The following EPCAM variants were observed in gnomAD, a reference collection of about 807,000 sequenced individuals.
EPCAM encodes adenocarcinoma-associated antigen.
A neutral mutation model predicts 40.0 loss-of-function variants in EPCAM; 39 were observed. The observed-to-expected ratio is 0.98, with a 90% confidence interval of 0.76 to 1.27. The LOEUF is 1.27. Among genes scored for constraint, EPCAM ranks in the 50% most tolerant of loss-of-function variants. The probability of loss-of-function intolerance (pLI) is 0.00; values close to 1 mark genes in which losing one functional copy is unlikely to be tolerated. For synonymous variants in EPCAM, 168 were observed against 132.3 expected, an observed-to-expected ratio of 1.27 and a Z score of -1.85; for missense variants, 503 against 381.2, an observed-to-expected ratio of 1.32 and a Z score of -2.66.
intron 1 of EPCAM, 191 bp downstream of exon 1, chr2:47,369,772 C>T: frequency 1.4e-6 from 1 of 712,520 alleles, no homozygotes; most frequent in South Asian, 1.5e-5. Flanking sequence ...GAGGGCCGTC[C>T]CGGGGAGCAG....
intron 7 of EPCAM, among the ~76,000 whole-genome samples, chr2:47,380,837 G>C (rs1215662116): frequency 1.3e-5 from 2 of 151,894 alleles, no homozygotes; most frequent in Non-Finnish European, 2.9e-5. Context: ...GCCTGTAATC[G>C]CAGCACTTTG....
chr2:47,384,461 T>C lies in EPCAM; in HGVS notation c.859-705T>C, dbSNP rs569872538. Among the ~76,000 whole-genome samples, 37 of 152,050 alleles carry C rather than the reference T, an allele frequency of 2.4e-4. 1 individual carries two copies. In the South Asian group the frequency reaches 4.6e-3, roughly 19 times the overall value. On this transcript the variant is annotated intron_variant, in intron 7 of 8. Transcript: ENST00000263735. ...TGGAGTCCCACTCTGTCGCCCAGGC[T>C]GGAGTGCAATGGCGCCATCTCGGCT...
At chr2:47,376,947 A>T (rs1000898513) in intron 4 of EPCAM, 67 bp from the exon 5 acceptor site, 1 of 1,048,380 alleles carries the variant, frequency 9.5e-7, no homozygotes, top group East Asian at 2.4e-5. Context: ...CTGCTTAAAG[A>T]GTAGTGCTTC....
Position 47,386,698 on chromosome 2 carries a change from T to C in EPCAM, c.*85T>C, listed in dbSNP as rs936577951. On this transcript the variant is annotated 3_prime_UTR_variant, in exon 9 of 9. Coordinates refer to ENST00000263735, the MANE Select transcript of EPCAM (RefSeq NM_002354.3). The stretch of plus-strand genomic sequence containing the variant: ...TGTGTGCGTGGGACGAAGACATCTT[T>C]GAAGGTCATGAGTTTGTTAGTTTAA... The C allele has an allele frequency of 2.9e-6, 3 of 1,034,184 alleles. No homozygotes were observed. Among genetic ancestry groups the C allele is most frequent in the Non-Finnish European group, 4.6e-6 (3 of 657,694 alleles). The allele number at this position is 1,034,184 out of a possible 1,614,324, so 64.1% of individuals were successfully genotyped here.
intron 8 of EPCAM, 126 bp downstream of exon 8, chr2:47,385,336 C>G: frequency 2.5e-6 from 2 of 792,948 alleles, no homozygotes; most frequent in Non-Finnish European, 4.5e-6. Flanking sequence ...TCTTTAGGGT[C>G]TTAGGGACAG....
At position 47,384,300 on chromosome 2, in the gene EPCAM, C is replaced by T. The variant is rs182048194; in HGVS notation, c.859-866C>T. Among the ~76,000 whole-genome samples, 25 of 151,758 alleles carry T rather than the reference C, an allele frequency of 1.6e-4. No individual in the cohort carries two copies. The East Asian group carries it at 4.5e-3, about 27-fold the overall frequency. On this transcript the variant is annotated intron_variant, in intron 7 of 8. Transcript: ENST00000263735. Reference sequence around the variant, plus strand: ...TGTATCTTTAGTAGAGATGAGGTTTCACAATATTGGCCAGGCTGGTCTTGA... The same window carrying T: ...TGTATCTTTAGTAGAGATGAGGTTTTACAATATTGGCCAGGCTGGTCTTGA...
chr2:47,372,751 G>A (rs1366672120), intron 1 of EPCAM, among the ~76,000 whole-genome samples: 4 of 151,772 alleles, frequency 2.6e-5, no homozygotes, highest in East Asian at 3.9e-4. Flanking sequence ...CAGCCTGCAC[G>A]ACAGAGTGAG....
chr2:47,377,915 GA>G (rs777883272), intron 5 of EPCAM: 1 of 299,522 alleles, frequency 3.3e-6, no homozygotes, highest in Non-Finnish European at 6.7e-6. Context: ...TCTTTAGAAA[GA>G]ATGTACTTTT....
intron 4 of EPCAM, 87 bp from the exon 5 acceptor site, chr2:47,376,927 C>A: frequency 3.5e-6 from 3 of 868,124 alleles, no homozygotes; most frequent in South Asian, 2.7e-5. Flanking sequence ...AGTTTTAGAC[C>A]CTGAGCTGTC....
intron 2 of EPCAM, 98 bp downstream of exon 2, chr2:47,373,668 C>T (rs576946868): frequency 1.4e-6 from 2 of 1,444,036 alleles, no homozygotes; most frequent in East Asian, 2.3e-5. Context: ...TGGCTTAAAT[C>T]TGAATCATGT....
chr2:47,374,892 C>T (rs973007439), intron 3 of EPCAM, among the ~76,000 whole-genome samples: 1 of 152,174 alleles, frequency 6.6e-6, no homozygotes, highest in Non-Finnish European at 1.5e-5. Context: ...CCCACCTCCA[C>T]CTCCCAAAGT....
rs1050582797 is a variant in EPCAM at position 47,386,672 on chromosome 2, G to A, written c.*59G>A. ...TAGCAAATGGACACAAATTACAAAT[G>A]TGTGTGCGTGGGACGAAGACATCTT... On this transcript the variant is annotated 3_prime_UTR_variant, in exon 9 of 9. Coordinates refer to ENST00000263735, the MANE Select transcript of EPCAM (RefSeq NM_002354.3). 13 of 1,293,386 alleles carry A rather than the reference G, an allele frequency of 1.0e-5. No individual in the cohort carries two copies. The highest frequency in any genetic ancestry group is 1.5e-5 in the Non-Finnish European group (13 of 890,664). The allele number at this position is 1,293,386 out of a possible 1,614,324, so 80.1% of individuals were successfully genotyped here. A position where few individuals can be genotyped will look rare whatever the true frequency, so the allele number is the denominator to read the frequency against.
Position 47,377,942 on chromosome 2 carries a change from C to G in EPCAM, c.555+865C>G, listed in dbSNP as rs572972506. The stretch of plus-strand genomic sequence containing the variant: ...ATGTACTTTTTTTACTCTTTAAAAA[C>G]AAAATGATGGCCGGGCACGGTGGCT... On this transcript the variant is annotated intron_variant, in intron 5 of 8. Transcript: ENST00000263735. 1.1e-4 allele frequency among the ~76,000 whole-genome samples: 16 copies of G among 151,962 alleles called. No individual in the cohort carries two copies. The East Asian group carries it at 1.4e-3, about 13-fold the overall frequency.
intron 7 of EPCAM, among the ~76,000 whole-genome samples, chr2:47,384,714 T>C (rs1389276095): frequency 6.6e-6 from 1 of 151,196 alleles, no homozygotes; most frequent in Non-Finnish European, 1.5e-5. Context: ...GCCCACCTTA[T>C]TTATTTTTAA....
rs752696226 is a variant in EPCAM at position 47,379,820 on chromosome 2, G to C, written c.709G>C (p.Gly237Arg). Residue 237 changes from glycine to arginine, a missense_variant, in exon 7 of 9, where the codon GGG becomes CGG. Coordinates refer to ENST00000263735, the MANE Select transcript of EPCAM (RefSeq NM_002354.3). Reference sequence around the variant, plus strand: ...TAAGAAAATGGACCTGACAGTAAATGGGGAACAACTGGATCTGGATCCTGG... The same window carrying C: ...TAAGAAAATGGACCTGACAGTAAATCGGGAACAACTGGATCTGGATCCTGG... ...HSKKMDLTVN[G>R]EQLDLDPGQT... 6.2e-7 allele frequency: 1 copy of C among 1,613,990 alleles called. No individual in the cohort carries two copies. Among genetic ancestry groups the C allele is most frequent in the Non-Finnish European group, 8.5e-7 (1 of 1,179,992 alleles).
At chr2:47,369,969 G>A (rs78328381) in intron 1 of EPCAM, among the ~76,000 whole-genome samples, 2,775 of 152,284 alleles carry the variant, frequency 0.018, 82 homozygotes, top group African/African-American at 0.062. Context: ...AGCCGGTGGC[G>A]GAGTCTTTAC....
intron 4 of EPCAM, 36 bp downstream of exon 4, chr2:47,375,335 T>G (rs767961214): frequency 7.3e-7 from 1 of 1,365,560 alleles, no homozygotes; most frequent in Non-Finnish European, 1.0e-6. Flanking sequence ...TCTTGCACAG[T>G]TGGTGGCTCA....
intron 7 of EPCAM, among the ~76,000 whole-genome samples, chr2:47,384,888 G>A (rs1433410793): frequency 1.3e-5 from 2 of 152,044 alleles, no homozygotes; most frequent in Admixed American, 1.3e-4. Flanking sequence ...TGTATTTGTA[G>A]TAGAGATGGG....
intron 1 of EPCAM, among the ~76,000 whole-genome samples, chr2:47,370,283 A>T (rs536590666): frequency 6.6e-6 from 1 of 152,228 alleles, no homozygotes; most frequent in Non-Finnish European, 1.5e-5. Context: ...TATTTATTTA[A>T]TTTTTTGAGA....
Sources: allele counts gnomAD v4.1 joint callset (sites outside exome capture counted in the v4.1 genomes callset), GRCh38; gene constraint gnomAD v4.1.1; transcripts MANE v1.5; gene names NCBI Gene and HGNC (gene_info 2026-07-23, HGNC 2026-07-21).